KCNH8: variants seen among roughly 807,000 people sequenced by gnomAD.
KCNH8 encodes the protein voltage-gated delayed rectifier potassium channel KCNH8.
A neutral mutation model predicts 103.6 loss-of-function variants in KCNH8; 70 were observed. The ratio of observed to expected loss-of-function variants is 0.68; its 90% CI spans 0.56 to 0.82. The LOEUF is 0.82. Ranked by LOEUF, KCNH8 falls within the 40% of genes least tolerant of loss-of-function variation. The pLI is 0.00. For synonymous variants in KCNH8, 498 were observed against 489.4 expected (o/e 1.02, Z -0.23); for missense variants, 1,217 against 1,329.9 (o/e 0.92, Z 1.32).
At chr3:19,491,102 A>G (rs1157372459) in intron 11 of KCNH8, among the ~76,000 whole-genome samples, 2 of 152,232 alleles carry the variant, frequency 1.3e-5, no homozygotes, top group Non-Finnish European at 2.9e-5. Flanking sequence ...AAATGAAATT[A>G]TTCAGATAGC....
chr3:19,363,961 TGAG>T (rs745669321), intron 5 of KCNH8, among the ~76,000 whole-genome samples: 4 of 152,250 alleles, frequency 2.6e-5, no homozygotes, highest in Admixed American at 2.0e-4. Flanking sequence ...AGTTTTATGA[TGAG>T]GAGAAAATTA....
intron 3 of KCNH8, among the ~76,000 whole-genome samples, chr3:19,341,368 T>C (rs1217315866): frequency 6.6e-6 from 1 of 152,150 alleles, no homozygotes; most frequent in Non-Finnish European, 1.5e-5. Context: ...CCAATTATCA[T>C]TTCAGAGAGA....
intron 11 of KCNH8, among the ~76,000 whole-genome samples, chr3:19,474,185 T>C (rs2067921852): frequency 1.3e-5 from 2 of 152,170 alleles, no homozygotes; most frequent in Admixed American, 6.6e-5. Flanking sequence ...GCTAAGTTGA[T>C]GGAAATTAAA....
intron 7 of KCNH8, among the ~76,000 whole-genome samples, chr3:19,419,199 T>G (rs1200632271): frequency 7.5e-5 from 10 of 133,706 alleles, no homozygotes; most frequent in African/African-American, 1.5e-4. Context: ...GTTTTGGTTT[T>G]TTTTTTTTTT....
At chr3:19,432,833 T>C (rs2067142673) in intron 7 of KCNH8, among the ~76,000 whole-genome samples, 1 of 152,162 alleles carries the variant, frequency 6.6e-6, no homozygotes, top group South Asian at 2.1e-4. Context: ...TAATCTTTGT[T>C]ATGCTTTTTT....
intron 7 of KCNH8, among the ~76,000 whole-genome samples, chr3:19,421,300 G>C (rs1022355342): frequency 6.6e-6 from 1 of 151,960 alleles, no homozygotes; most frequent in Non-Finnish European, 1.5e-5. Context: ...CAAAGTATAA[G>C]ATATTTTGAT....
At chr3:19,437,310 T>C (rs1290873874) in intron 7 of KCNH8, among the ~76,000 whole-genome samples, 2 of 152,150 alleles carry the variant, frequency 1.3e-5, no homozygotes, top group African/African-American at 4.8e-5. Context: ...TTTAAAGTGA[T>C]TTTTGTGTTG....
intron 3 of KCNH8, among the ~76,000 whole-genome samples, chr3:19,296,973 A>G (rs1445612606): frequency 2.0e-5 from 3 of 152,284 alleles, no homozygotes; most frequent in African/African-American, 4.8e-5. Flanking sequence ...TATCAGATAC[A>G]ATATATATTA....
chr3:19,474,459 G>A (rs2067929308), intron 11 of KCNH8, among the ~76,000 whole-genome samples: 1 of 152,144 alleles, frequency 6.6e-6, no homozygotes, highest in African/African-American at 2.4e-5. Flanking sequence ...GGAAACAGCA[G>A]CCAAGTCATT....
At chr3:19,521,760 GATTGTA>G (rs1468043532) in intron 15 of KCNH8, among the ~76,000 whole-genome samples, 2 of 151,924 alleles carry the variant, frequency 1.3e-5, no homozygotes, top group African/African-American at 4.8e-5. Context: ...TAACTAGTTT[GATTGTA>G]ATTGTGCTAC....
intron 2 of KCNH8, among the ~76,000 whole-genome samples, chr3:19,262,508 A>G (rs1017377294): frequency 6.6e-6 from 1 of 152,046 alleles, no homozygotes; most frequent in Non-Finnish European, 1.5e-5. Context: ...TCCCAAAATA[A>G]CAATTTTAAA....
At chr3:19,333,664 ACTTTT>A (rs937731330) in intron 3 of KCNH8, among the ~76,000 whole-genome samples, 8 of 152,192 alleles carry the variant, frequency 5.3e-5, no homozygotes, top group Non-Finnish European at 1.2e-4. Flanking sequence ...CAATCCATAT[ACTTTT>A]CTTTAAAAAA....
chr3:19,316,430 G>T (rs143128024), intron 3 of KCNH8, among the ~76,000 whole-genome samples: 9 of 152,018 alleles, frequency 5.9e-5, no homozygotes, highest in Non-Finnish European at 1.3e-4. Context: ...CAAGATTAAG[G>T]AATAGAAGCA....
intron 8 of KCNH8, among the ~76,000 whole-genome samples, chr3:19,448,419 G>A (rs1251570800): frequency 6.6e-6 from 1 of 151,960 alleles, no homozygotes; most frequent in Non-Finnish European, 1.5e-5. Flanking sequence ...CTAAAATACT[G>A]AGGTCTTGTT....
intron 8 of KCNH8, among the ~76,000 whole-genome samples, chr3:19,442,988 G>A (rs1261171600): frequency 6.6e-6 from 1 of 151,596 alleles, no homozygotes; most frequent in Non-Finnish European, 1.5e-5. Context: ...CTAAGACCTG[G>A]CAAACTTCTT....
intron 1 of KCNH8, among the ~76,000 whole-genome samples, chr3:19,225,146 C>G (rs1411099136): frequency 6.6e-6 from 1 of 151,830 alleles, no homozygotes. Context: ...CTCTCAATAC[C>G]TGAAATCGAA....
chr3:19,277,978 C>T (rs1046738171), intron 2 of KCNH8, among the ~76,000 whole-genome samples: 4 of 152,110 alleles, frequency 2.6e-5, no homozygotes, highest in African/African-American at 9.7e-5. Flanking sequence ...GTGGGACTTG[C>T]AGCCTCCCAC....
In KCNH8 at chr3:19,168,313, C is replaced by A. The variant is rs539491531; in HGVS notation, c.76+19518C>A. 4.2e-4 allele frequency among the ~76,000 whole-genome samples: 64 copies of A among 152,174 alleles called. 1 individual carries two copies. Among genetic ancestry groups the A allele is most frequent in the African/African-American group, 1.5e-3 (63 of 41,540 alleles). On this transcript the variant is annotated intron_variant, in intron 1 of 15. Coordinates refer to ENST00000328405, the MANE Select transcript of KCNH8 (RefSeq NM_144633.3). ...AAGTGCTGGGATTACAGGTGTGAGCCACCGCGCCCGGCCCTCTGTTCCCCA... is the reference window on the plus strand; with the variant it reads ...AAGTGCTGGGATTACAGGTGTGAGCAACCGCGCCCGGCCCTCTGTTCCCCA...
chr3:19,288,064 A>G (rs925408687), intron 3 of KCNH8, among the ~76,000 whole-genome samples: 2 of 151,270 alleles, frequency 1.3e-5, no homozygotes, highest in African/African-American at 2.4e-5. Flanking sequence ...TCTTTTCTGT[A>G]TAGTCAGATT....
Sources: gnomAD v4.1 joint callset for allele counts (sites outside exome capture counted in the v4.1 genomes callset) on GRCh38, gnomAD v4.1.1 for gene constraint, MANE v1.5 for transcripts, NCBI Gene and HGNC (gene_info 2026-07-23, HGNC 2026-07-21) for gene names.